CDK5RAP2: variants seen among roughly 807,000 people sequenced by gnomAD.
CDK5RAP2 encodes CDK5 regulatory subunit associated protein 2, also known as CDK5 regulatory subunit-associated protein 2.
In CDK5RAP2, 147 loss-of-function variants were observed where a neutral mutation model predicts 232.9. The ratio of observed to expected loss-of-function variants is 0.63; its 90% CI spans 0.55 to 0.72. CDK5RAP2 has a LOEUF of 0.72. Ranked by LOEUF, CDK5RAP2 falls within the 30% of genes least tolerant of loss-of-function variation. The pLI is 0.00. For missense variants in CDK5RAP2, 2,195 were observed against 2,231.5 expected, an observed-to-expected ratio of 0.98 and a Z score of 0.33; for synonymous variants, 833 against 833.7, an observed-to-expected ratio of 1.00 and a Z score of 0.01.
intron 29 of CDK5RAP2, 85 bp from the exon 30 acceptor site, chr9:120,409,401 CA>C: frequency 1.0e-6 from 1 of 970,600 alleles, no homozygotes; most frequent in Non-Finnish European, 1.6e-6. Flanking sequence ...TTCAAGAATA[CA>C]AAAAAGAATG....
At chr9:120,545,673 T>C (rs1358949372) in intron 5 of CDK5RAP2, 41 bp downstream of exon 5, 3 of 1,482,370 alleles carry the variant, frequency 2.0e-6, no homozygotes, top group Non-Finnish European at 2.8e-6. Flanking sequence ...ACCAACCCAG[T>C]GTGGGCGACT....
At chr9:120,506,012 G>A (rs1241604466) in intron 12 of CDK5RAP2, among the ~76,000 whole-genome samples, 1 of 152,220 alleles carries the variant, frequency 6.6e-6, no homozygotes, top group Admixed American at 6.5e-5. Context: ...TTTCAATGCA[G>A]ATGAAACAGC....
intron 27 of CDK5RAP2, among the ~76,000 whole-genome samples, chr9:120,418,263 G>C (rs967320840): frequency 1.3e-5 from 2 of 152,160 alleles, no homozygotes; most frequent in Non-Finnish European, 2.9e-5. Flanking sequence ...CCACAGAGGA[G>C]CAAGAAATAG....
intron 12 of CDK5RAP2, among the ~76,000 whole-genome samples, chr9:120,508,627 G>A (rs2039940768): frequency 1.3e-5 from 2 of 152,086 alleles, no homozygotes; most frequent in Non-Finnish European, 2.9e-5. Flanking sequence ...GCTCATTCAT[G>A]GACCCCAAAC....
chr9:120,538,962 A>T (rs1588606723), intron 6 of CDK5RAP2, 79 bp downstream of exon 6: 1 of 1,477,494 alleles, frequency 6.8e-7, no homozygotes, highest in Non-Finnish European at 9.4e-7. Context: ...GACGGTTTAT[A>T]AAAAAAGAAA....
At chr9:120,455,702 A>T (rs1443248255) in intron 20 of CDK5RAP2, among the ~76,000 whole-genome samples, 1 of 151,970 alleles carries the variant, frequency 6.6e-6, no homozygotes, top group Non-Finnish European at 1.5e-5. Context: ...ACACCACTGC[A>T]CTACAGCCTG....
At position 120,561,254 on chromosome 9, in the gene CDK5RAP2, A is replaced by G. The variant is rs140351997; in HGVS notation, c.195+7067T>C. On this transcript the variant is annotated intron_variant, in intron 3 of 37. Transcript: ENST00000349780. The stretch of plus-strand genomic sequence containing the variant: ...TCCTTGGTGTTTTCAAATCATCAAG[A>G]AAACTGTTACTAGGTAAGTATCTTA... Among the ~76,000 whole-genome samples, 305 of 152,330 alleles carry G rather than the reference A, an allele frequency of 2.0e-3. 2 individuals are homozygous for G. The highest frequency in any genetic ancestry group is 7.0e-3 in the African/African-American group (292 of 41,574).
At chr9:120,414,840 C>G (rs1415134646) in intron 28 of CDK5RAP2, among the ~76,000 whole-genome samples, 200 bp downstream of exon 28, 1 of 152,190 alleles carries the variant, frequency 6.6e-6, no homozygotes, top group Non-Finnish European at 1.5e-5. Flanking sequence ...CTTAAAATTC[C>G]TATCTATTTC....
chr9:120,445,995 A>G lies in CDK5RAP2; in HGVS notation c.3025+1900T>C, dbSNP rs77482233. On this transcript the variant is annotated intron_variant, in intron 22 of 37. Transcript: ENST00000349780. Reference sequence around the variant, plus strand: ...AGTCTTTCTCATCTCAGTGAATGACAACTCCATCCTTCCAAAGGTTCATAT... The same window carrying G: ...AGTCTTTCTCATCTCAGTGAATGACGACTCCATCCTTCCAAAGGTTCATAT... Among the ~76,000 whole-genome samples the G allele has an allele frequency of 6.8e-3, 1,039 of 152,268 alleles. 17 individuals carry two copies. The highest frequency in any genetic ancestry group is 0.024 in the African/African-American group (982 of 41,530).
intron 7 of CDK5RAP2, among the ~76,000 whole-genome samples, chr9:120,535,963 G>A (rs187808964): frequency 1.3e-5 from 2 of 152,320 alleles, no homozygotes; most frequent in East Asian, 3.9e-4. Flanking sequence ...AGAACCACAA[G>A]AGAAATTTCC....
intron 1 of CDK5RAP2, among the ~76,000 whole-genome samples, chr9:120,577,816 A>G (rs183436725): frequency 6.6e-6 from 1 of 152,304 alleles, no homozygotes; most frequent in East Asian, 1.9e-4. Flanking sequence ...TGGGATTAAA[A>G]CCCAGCTAGG....
chr9:120,430,332 A>G (rs2035204891), intron 25 of CDK5RAP2, among the ~76,000 whole-genome samples: 1 of 151,590 alleles, frequency 6.6e-6, no homozygotes, highest in Non-Finnish European at 1.5e-5. Context: ...GCAACCTACA[A>G]AATGGGAGAA....
At chr9:120,489,990 A>G (rs930309273) in intron 13 of CDK5RAP2, among the ~76,000 whole-genome samples, 1 of 152,038 alleles carries the variant, frequency 6.6e-6, no homozygotes, top group African/African-American at 2.4e-5. Context: ...TATTTTTAGT[A>G]GAGACGGAGT....
chr9:120,498,840 G>A (rs1454642813), intron 12 of CDK5RAP2, among the ~76,000 whole-genome samples: 4 of 151,940 alleles, frequency 2.6e-5, no homozygotes, highest in Non-Finnish European at 5.9e-5. Flanking sequence ...GGGCAACATG[G>A]CAACACCCCA....
chr9:120,483,072 A>T lies in CDK5RAP2; in HGVS notation c.1626+4222T>A, dbSNP rs575600301. 8.6e-5 allele frequency among the ~76,000 whole-genome samples: 13 copies of T among 150,694 alleles called. No individual in the cohort carries two copies. In the East Asian group the frequency reaches 2.5e-3, roughly 29 times the overall value. On this transcript the variant is annotated intron_variant, in intron 14 of 37. Coordinates refer to ENST00000349780, the MANE Select transcript of CDK5RAP2 (RefSeq NM_018249.6). ...TGCTCAGCAACAGCAACCAACCCCC[A>T]CTCTCCCCTCTCCACCCAGCCCCTC... is the stretch of plus-strand genomic sequence containing the variant.
chr9:120,559,122 T>C (rs1323846288), intron 3 of CDK5RAP2, among the ~76,000 whole-genome samples: 1 of 152,192 alleles, frequency 6.6e-6, no homozygotes. Flanking sequence ...TATAACCATC[T>C]CAAAAAGCTA....
intron 3 of CDK5RAP2, 119 bp downstream of exon 3, chr9:120,568,202 C>T: frequency 1.2e-6 from 1 of 803,890 alleles, no homozygotes; most frequent in Non-Finnish European, 2.2e-6. Flanking sequence ...AGACATGGCA[C>T]CCCCCTGCCT....
At position 120,536,474 on chromosome 9, in the gene CDK5RAP2, G is replaced by A. The variant is rs764423192; in HGVS notation, c.560C>T (p.Thr187Met). The change falls in exon 7 of 38, where the codon ACG (threonine) becomes ATG (methionine). Residue 187 changes from threonine (T) to methionine (M), a missense_variant. By Grantham distance (81) the Thr-to-Met change is moderately conservative (BLOSUM62 -1). Transcript: ENST00000349780. ...ELEKAFAGTE[T>M]EKALRLRLES... ...CAAACGCAACCGAAGAGCCTTCTCC[G>A]TCTCTGTCCCTGCAAAGGCCTTTTC... 56 of 1,613,950 alleles carry A rather than the reference G, an allele frequency of 3.5e-5. No homozygotes were observed. The highest frequency in any genetic ancestry group is 2.7e-4 in the East Asian group (12 of 44,890).
rs1399085671 is a variant in CDK5RAP2, at chr9:120,402,972, G to A, written c.5141C>T (p.Thr1714Ile). 2 of 1,614,110 alleles carry A rather than the reference G, an allele frequency of 1.2e-6. No homozygotes were observed. Among genetic ancestry groups the A allele is most frequent in the Non-Finnish European group, 1.7e-6 (2 of 1,180,052 alleles). ...TSTPCVSRLV[T>I]GHHLWASKNG... The stretch of plus-strand genomic sequence containing the variant: ...CTTGCTGGCCCACAGGTGGTGGCCA[G>A]TGACCAGGCGGGACACACACGGAGT... Residue 1714 changes from threonine (T) to isoleucine (I), a missense_variant, in exon 34 of 38, where the codon ACT (threonine) becomes ATT (isoleucine). Thr to Ile is a moderately conservative substitution (Grantham distance 89, BLOSUM62 -1). Transcript: ENST00000349780.
Sources: gnomAD v4.1 joint callset for allele counts (sites outside exome capture counted in the v4.1 genomes callset) on GRCh38, gnomAD v4.1.1 for gene constraint, MANE v1.5 for transcripts, NCBI Gene and HGNC (gene_info 2026-07-23, HGNC 2026-07-21) for gene names.